PCDHGB2: variants seen among roughly 807,000 people sequenced by gnomAD.
The protein encoded by PCDHGB2 is protocadherin gamma subfamily B, 2.
In PCDHGB2, 55 loss-of-function variants were observed where a neutral mutation model predicts 59.3. The observed-to-expected ratio is 0.93, with a 90% CI of 0.75 to 1.16. The LOEUF is 1.16. Ranked by LOEUF, PCDHGB2 falls within the 50% of genes most tolerant of loss-of-function variation. The probability of loss-of-function intolerance (pLI) is 0.00; values close to 1 mark genes in which losing one functional copy is unlikely to be tolerated. For synonymous variants in PCDHGB2, 516 were observed against 512.0 expected (o/e 1.01, Z -0.11); for missense variants, 1,228 against 1,198.5 (o/e 1.02, Z -0.36).
chr5:141,395,528 A>T, intron 1 of PCDHGB2: 1 of 368,434 alleles, frequency 2.7e-6, no homozygotes, highest in Non-Finnish European at 4.9e-6. Flanking sequence ...CCATACTGGT[A>T]ATTTTGCTAT....
chr5:141,372,199 C>A (rs1366394152), intron 1 of PCDHGB2: 1 of 1,613,572 alleles, frequency 6.2e-7, no homozygotes, highest in Non-Finnish European at 8.5e-7. Context: ...GGATACAACG[C>A]CTGGCTGTCC....
At chr5:141,385,539 T>C in intron 1 of PCDHGB2, 1 of 1,340,130 alleles carries the variant, frequency 7.5e-7, no homozygotes, top group East Asian at 2.8e-5. Flanking sequence ...TATGAATATG[T>C]GGACTATCAC....
chr5:141,485,674 T>C lies in PCDHGB2; in HGVS notation c.2422-9133T>C. 1 of 1,612,986 alleles carries C rather than the reference T, an allele frequency of 6.2e-7. No homozygotes were observed. Among genetic ancestry groups the C allele is most frequent in the South Asian group, 1.1e-5 (1 of 91,072 alleles). Reference sequence around the variant, plus strand: ...ATGCAGATGTGGGGAGCAATTCGATTAGCAGCTATAGGCTGAGCTCCAATG... The same window carrying C: ...ATGCAGATGTGGGGAGCAATTCGATCAGCAGCTATAGGCTGAGCTCCAATG... On this transcript the variant is annotated intron_variant, in intron 1 of 3. Transcript: ENST00000522605. This position sits in a 1 kb window ranked among gnomAD's most constrained non-coding sequence, Gnocchi z 5.7.
At chr5:141,481,210 G>A (rs1351826116) in intron 1 of PCDHGB2, among the ~76,000 whole-genome samples, 2 of 152,128 alleles carry the variant, frequency 1.3e-5, no homozygotes, top group Admixed American at 1.3e-4. Context: ...TAAAAAACAT[G>A]GTAAGGTCTC....
chr5:141,472,068 G>C (rs1050927364), intron 1 of PCDHGB2, among the ~76,000 whole-genome samples: 7 of 151,974 alleles, frequency 4.6e-5, no homozygotes, highest in Non-Finnish European at 8.8e-5. Context: ...CATGTCTGTG[G>C]TTATATCAAT....
In PCDHGB2 at chr5:141,421,099, G is replaced by A. The variant is rs941392242; in HGVS notation, c.2421+58543G>A. ...GATACTCACAGATCCTGACACTGGA[G>A]ACTTAGAAGTATTTTCCTTCGCTTT... is the stretch of plus-strand genomic sequence containing the variant. On this transcript the variant is annotated intron_variant, in intron 1 of 3. Coordinates refer to ENST00000522605, the MANE Select transcript of PCDHGB2 (RefSeq NM_018923.3). 1.2e-5 allele frequency: 8 copies of A among 680,384 alleles called. No individual in the cohort carries two copies. In the Admixed American group the frequency reaches 1.2e-4, roughly 11 times the overall value. 42.1% of individuals were successfully genotyped at this position (680,384 alleles called of 1,614,324 possible).
rs2099413746 is a variant in PCDHGB2, at chr5:141,477,589, G to A, written c.2422-17218G>A. ...ACCCCGACGCCCCGCAGAATGCTCGGCTTTCTTTCTTTCTCTTGGAGCAAG... is the reference window on the plus strand; with the variant it reads ...ACCCCGACGCCCCGCAGAATGCTCGACTTTCTTTCTTTCTCTTGGAGCAAG... On this transcript the variant is annotated intron_variant, in intron 1 of 3. Transcript: ENST00000522605. The surrounding 1 kb of genome is among the most constrained non-coding windows in gnomAD (Gnocchi z 4.9). 1 of 1,614,012 alleles carries A rather than the reference G, an allele frequency of 6.2e-7. No individual in the cohort carries two copies. The highest frequency in any genetic ancestry group is 1.1e-5 in the South Asian group (1 of 91,090).
rs932721053 is a variant in PCDHGB2 at position 141,398,645 on chromosome 5, C to G, written c.2421+36089C>G. 1.3e-5 allele frequency: 21 copies of G among 1,613,938 alleles called. No homozygotes were observed. In the Admixed American group the frequency reaches 3.3e-4, roughly 26 times the overall value. The stretch of plus-strand genomic sequence containing the variant: ...AACTCTCTGCAGAAGTATAAACTCT[C>G]TCTTAACCCAAGTTTCTCATTAATA... On this transcript the variant is annotated intron_variant, in intron 1 of 3. Coordinates refer to ENST00000522605, the MANE Select transcript of PCDHGB2 (RefSeq NM_018923.3).
chr5:141,507,736 G>A (rs1562231670), intron 3 of PCDHGB2, among the ~76,000 whole-genome samples: 1 of 152,240 alleles, frequency 6.6e-6, no homozygotes. Flanking sequence ...CATGCAGCTC[G>A]TTCCCCTGTC....
At chr5:141,383,287 G>T (rs753501762) in intron 1 of PCDHGB2, 3 of 1,613,916 alleles carry the variant, frequency 1.9e-6, no homozygotes, top group Non-Finnish European at 1.7e-6. Flanking sequence ...TAATGACAAC[G>T]TTCCAAGATT....
At chr5:141,372,161 C>A in intron 1 of PCDHGB2, 1 of 1,613,776 alleles carries the variant, frequency 6.2e-7, no homozygotes, top group Non-Finnish European at 8.5e-7. Flanking sequence ...ACCTGGTGAC[C>A]AAGGTGGTGG....
intron 2 of PCDHGB2, among the ~76,000 whole-genome samples, chr5:141,498,976 GGAAGGAAGGAAGGAA>G (rs1562186940): frequency 1.5e-4 from 2 of 13,010 alleles, no homozygotes; most frequent in Admixed American, 2.9e-3. Context: ...AGGGAGGGAA[GGAAGGAAGGAAGGAA>G]GGAAGGAAGG....
In PCDHGB2 at chr5:141,431,243, A is replaced by G; in HGVS notation, c.2422-63564A>G. 1 of 1,614,154 alleles carries G rather than the reference A, an allele frequency of 6.2e-7. No homozygotes were observed. Among genetic ancestry groups the G allele is most frequent in the Non-Finnish European group, 8.5e-7 (1 of 1,180,034 alleles). ...TCTACCCCACGCCTGGGATCCGGAT[A>G]TCGGGAAGAACTCTCTGCAGAGCTA... On this transcript the variant is annotated intron_variant, in intron 1 of 3. Coordinates refer to ENST00000522605, the MANE Select transcript of PCDHGB2 (RefSeq NM_018923.3). This position sits in a 1 kb window ranked among gnomAD's most constrained non-coding sequence, Gnocchi z 4.8.
In PCDHGB2 at chr5:141,489,661, C is replaced by T. The variant is rs756803543; in HGVS notation, c.2422-5146C>T. 36 of 1,614,146 alleles carry T rather than the reference C, an allele frequency of 2.2e-5. 1 individual carries two copies. Among genetic ancestry groups the T allele is most frequent in the South Asian group, 5.5e-5 (5 of 91,090 alleles). ...CTTTGCCACCCCTGAGCGAGAGATG[C>T]GCATCTCAGAATCAGCAGCATCTGG... On this transcript the variant is annotated intron_variant, in intron 1 of 3. Coordinates refer to ENST00000522605, the MANE Select transcript of PCDHGB2 (RefSeq NM_018923.3). The surrounding 1 kb of genome is among the most constrained non-coding windows in gnomAD (Gnocchi z 4.5).
At chr5:141,475,583 G>A (rs1181419200) in intron 1 of PCDHGB2, among the ~76,000 whole-genome samples, 1 of 152,198 alleles carries the variant, frequency 6.6e-6, no homozygotes, top group Non-Finnish European at 1.5e-5. Context: ...CAGATTTGTT[G>A]GTGTTTTTCC....
chr5:141,404,995 T>A (rs1561697585), intron 1 of PCDHGB2: 1 of 1,614,008 alleles, frequency 6.2e-7, no homozygotes, highest in Non-Finnish European at 8.5e-7. Context: ...TTCAGATCCC[T>A]GCAGACCTGG....
chr5:141,399,908 C>G (rs141997055), intron 1 of PCDHGB2: 2 of 1,612,300 alleles, frequency 1.2e-6, no homozygotes, highest in African/African-American at 1.3e-5. Context: ...GACGCAGACT[C>G]AGGACACAAC....
intron 3 of PCDHGB2, among the ~76,000 whole-genome samples, chr5:141,507,918 G>C (rs1409126707): frequency 6.6e-6 from 1 of 152,208 alleles, no homozygotes; most frequent in Non-Finnish European, 1.5e-5. Flanking sequence ...CAGGCCTGTG[G>C]GGCTGCTGAG....
intron 1 of PCDHGB2, among the ~76,000 whole-genome samples, chr5:141,474,643 CCTTA>C (rs1474125632): frequency 1.3e-5 from 2 of 152,134 alleles, no homozygotes; most frequent in Admixed American, 1.3e-4. Flanking sequence ...TCCTATATAT[CCTTA>C]CTTCTTTTCT....
Sources: gnomAD v4.1 joint callset for allele counts (sites outside exome capture counted in the v4.1 genomes callset) on GRCh38, gnomAD v4.1.1 for gene constraint, Gnocchi (gnomAD v3.1) non-coding constraint, MANE v1.5 for transcripts, NCBI Gene and HGNC (gene_info 2026-07-23, HGNC 2026-07-21) for gene names.